Variants in MSRB2 observed in about 807,000 individuals in gnomAD.
MSRB2 encodes methionine sulfoxide reductase B2, also known as methionine-R-sulfoxide reductase B2, mitochondrial.
A neutral mutation model predicts 19.0 loss-of-function variants in MSRB2; 17 were observed. The observed-to-expected ratio is 0.89, with a 90% CI of 0.61 to 1.34. The LOEUF (loss-of-function observed/expected upper bound fraction) is 1.34. Ranked by LOEUF, MSRB2 falls within the 40% of genes most tolerant of loss-of-function variation. MSRB2 has a pLI of 0.00. For missense variants in MSRB2, 208 were observed against 237.6 expected (o/e 0.88, Z 0.82); for synonymous variants, 107 against 99.7 (o/e 1.07, Z -0.44).
In MSRB2 at chr10:23,110,400, A is replaced by C. The variant is rs1554794501; in HGVS notation, c.296+82A>C. 1.2e-5 allele frequency: 14 copies of C among 1,132,040 alleles called. No homozygotes were observed. The South Asian group carries it at 1.8e-4, about 15-fold the overall frequency. The allele number at this position is 1,132,040 out of a possible 1,614,324, so 70.1% of individuals were successfully genotyped here. A position where few individuals can be genotyped will look rare whatever the true frequency, so the allele number is the denominator to read the frequency against. ...TTTGTTTCATTTGAGATCTTGGATAAATAAATACCCATAATACCCATTTTG... is the reference window on the plus strand; with the variant it reads ...TTTGTTTCATTTGAGATCTTGGATACATAAATACCCATAATACCCATTTTG... On this transcript the variant is annotated intron_variant, in intron 3 of 4. Coordinates refer to ENST00000376510, the MANE Select transcript of MSRB2 (RefSeq NM_012228.4).
At chr10:23,096,985 T>C (rs1011183996) in intron 1 of MSRB2, among the ~76,000 whole-genome samples, 4 of 152,200 alleles carry the variant, frequency 2.6e-5, no homozygotes, top group Non-Finnish European at 5.9e-5. Context: ...CAATAAAATT[T>C]GGCCAGCCAC....
chr10:23,120,308 G>T (rs2131635887), intron 4 of MSRB2, among the ~76,000 whole-genome samples: 1 of 152,290 alleles, frequency 6.6e-6, no homozygotes, highest in Middle Eastern at 3.4e-3. Context: ...CACATTTTCT[G>T]ACTCATGGGT....
intron 2 of MSRB2, among the ~76,000 whole-genome samples, chr10:23,106,071 G>A (rs1262366391): frequency 3.3e-5 from 5 of 152,188 alleles, no homozygotes; most frequent in African/African-American, 1.2e-4. Flanking sequence ...CCCTAGAGAT[G>A]AGCTGCCAGA....
At chr10:23,116,138 T>A (rs1840107436) in intron 3 of MSRB2, among the ~76,000 whole-genome samples, 1 of 152,214 alleles carries the variant, frequency 6.6e-6, no homozygotes, top group Non-Finnish European at 1.5e-5. Flanking sequence ...CCAACTCAAG[T>A]GCCATGTGTC....
chr10:23,101,856 T>C (rs1020242789), intron 1 of MSRB2, among the ~76,000 whole-genome samples: 3 of 152,218 alleles, frequency 2.0e-5, no homozygotes, highest in African/African-American at 7.2e-5. Flanking sequence ...TTTAGATTTA[T>C]AGACAAGTTA....
chr10:23,105,075 TA>T (rs1839970654), intron 2 of MSRB2, among the ~76,000 whole-genome samples: 1 of 152,296 alleles, frequency 6.6e-6, no homozygotes, highest in South Asian at 2.1e-4. Flanking sequence ...GACTGCCGGG[TA>T]AGAGGTGGAA....
At chr10:23,120,559 T>C (rs909293883) in intron 4 of MSRB2, among the ~76,000 whole-genome samples, 199 bp from the exon 5 acceptor site, 1 of 152,228 alleles carries the variant, frequency 6.6e-6, no homozygotes, top group Non-Finnish European at 1.5e-5. Flanking sequence ...TCACATCCTA[T>C]TGATAAAGTA....
chr10:23,118,342 T>TG (rs1202601352), intron 3 of MSRB2, among the ~76,000 whole-genome samples: 6 of 148,748 alleles, frequency 4.0e-5, no homozygotes, highest in Admixed American at 2.7e-4. Context: ...TTTTTGTTTT[T>TG]TTTTTTTTTT....
intron 1 of MSRB2, among the ~76,000 whole-genome samples, chr10:23,099,401 C>G (rs1264099273): frequency 6.6e-6 from 1 of 152,108 alleles, no homozygotes; most frequent in Non-Finnish European, 1.5e-5. Context: ...TATTGCCTAC[C>G]CACTAAAGTT....
chr10:23,095,716 G>A lies in MSRB2; in HGVS notation c.108G>A (p.Leu36=), dbSNP rs919034580. 13 of 1,267,420 alleles carry A rather than the reference G, an allele frequency of 1.0e-5. No individual in the cohort carries two copies. In the African/African-American group the frequency reaches 2.0e-4, roughly 20 times the overall value. 78.5% of individuals were successfully genotyped at this position (1,267,420 alleles called of 1,614,324 possible). ...GCGGGCCCGGCACCGGGCCGGGACT[G>A]GGGGAGGCAGGTAGGACGCGGGTCC... ...GGGGPGTGPG[L]GEAGSLATCE... The change falls in exon 1 of 5, where the codon CTG becomes CTA. Residue 36 remains leucine, a synonymous_variant. Coordinates refer to ENST00000376510, the MANE Select transcript of MSRB2 (RefSeq NM_012228.4).
In MSRB2 at chr10:23,119,106, T is replaced by C. The variant is rs1460352243; in HGVS notation, c.297-198T>C. Reference sequence around the variant, plus strand: ...TCAAAGGATCAAGAAGTCCTTCCACTTCGAGAGGCAATGGCTTCGATAGTG... The same window carrying C: ...TCAAAGGATCAAGAAGTCCTTCCACCTCGAGAGGCAATGGCTTCGATAGTG... On this transcript the variant is annotated intron_variant, in intron 3 of 4. Coordinates refer to ENST00000376510, the MANE Select transcript of MSRB2 (RefSeq NM_012228.4). The C allele has an allele frequency of 5.7e-6, 4 of 696,926 alleles. No homozygotes were observed. In the African/African-American group the frequency reaches 7.0e-5, roughly 12 times the overall value. 43.2% of individuals were successfully genotyped at this position (696,926 alleles called of 1,614,324 possible).
chr10:23,119,614 G>A (rs3793758), intron 4 of MSRB2, among the ~76,000 whole-genome samples, 163 bp downstream of exon 4: 84,602 of 151,824 alleles, frequency 0.56, 24,424 homozygotes, highest in South Asian at 0.67. Flanking sequence ...GTTTTGTTTT[G>A]TTTTGTTTTG....
chr10:23,110,120 A>C, intron 2 of MSRB2, 122 bp from the exon 3 acceptor site: 1 of 696,040 alleles, frequency 1.4e-6, no homozygotes, highest in Non-Finnish European at 2.5e-6. Flanking sequence ...CGTTATTTGC[A>C]CTTCGTCAAA....
chr10:23,120,262 C>G (rs955399839), intron 4 of MSRB2, among the ~76,000 whole-genome samples: 1 of 152,194 alleles, frequency 6.6e-6, no homozygotes, highest in Non-Finnish European at 1.5e-5. Flanking sequence ...TGGCTTAAAT[C>G]CAGATCACAA....
At chr10:23,115,597 G>T (rs1261839116) in intron 3 of MSRB2, among the ~76,000 whole-genome samples, 1 of 152,148 alleles carries the variant, frequency 6.6e-6, no homozygotes, top group Non-Finnish European at 1.5e-5. Flanking sequence ...ACGAAACAAA[G>T]TAAAAATCCC....
At chr10:23,119,775 A>C (rs1285474533) in intron 4 of MSRB2, among the ~76,000 whole-genome samples, 1 of 151,894 alleles carries the variant, frequency 6.6e-6, no homozygotes, top group Admixed American at 6.6e-5. Context: ...TTGTATTTTT[A>C]GTAGAGATGA....
chr10:23,119,533 T>A, intron 4 of MSRB2, 82 bp downstream of exon 4: 1 of 1,509,334 alleles, frequency 6.6e-7, no homozygotes, highest in Non-Finnish European at 9.0e-7. Context: ...GCAAATCTGG[T>A]GTCCTTTTAT....
intron 2 of MSRB2, 51 bp downstream of exon 2, chr10:23,104,295 G>T: frequency 6.5e-7 from 1 of 1,529,498 alleles, no homozygotes; most frequent in Non-Finnish European, 9.0e-7. Context: ...GGCAGTGAGG[G>T]GCCAGTTGGA....
chr10:23,111,308 CT>C (rs1840049859), intron 3 of MSRB2, among the ~76,000 whole-genome samples: 1 of 152,188 alleles, frequency 6.6e-6, no homozygotes, highest in African/African-American at 2.4e-5. Context: ...ACTCAGGTTT[CT>C]GAGACAATAG....
Sources: allele counts gnomAD v4.1 joint callset (sites outside exome capture counted in the v4.1 genomes callset), GRCh38; gene constraint gnomAD v4.1.1; transcripts MANE v1.5; gene names NCBI Gene and HGNC (gene_info 2026-07-23, HGNC 2026-07-21).